The following VWA5B1 variants were observed in gnomAD, a reference collection of about 807,000 sequenced individuals.
VWA5B1 encodes von Willebrand factor A domain-containing protein 5B1.
Under a neutral mutation model 118.2 loss-of-function variants are expected in VWA5B1, and 115 were observed. The ratio of observed to expected loss-of-function variants is 0.97; its 90% confidence interval spans 0.84 to 1.14. The LOEUF (loss-of-function observed/expected upper bound fraction) is 1.14. Among genes scored for constraint, VWA5B1 ranks in the 50% most tolerant of loss-of-function variants. VWA5B1 has a pLI of 0.00. For synonymous variants in VWA5B1, 682 were observed against 658.4 expected, an observed-to-expected ratio of 1.04 and a Z score of -0.55; for missense variants, 1,596 against 1,603.8, an observed-to-expected ratio of 1.00 and a Z score of 0.08.
rs536381346 is a variant in VWA5B1, at chr1:20,293,789, G to T, written c.-27+2701G>T. On this transcript the variant is annotated intron_variant, in intron 1 of 21. Transcript: ENST00000289815. The stretch of plus-strand genomic sequence containing the variant: ...GTTCCTGGATTCCTTAGGGAGAGGG[G>T]ATTGGGATCAGCGGTATTCTGTGTG... 2.0e-5 allele frequency among the ~76,000 whole-genome samples: 3 copies of T among 152,284 alleles called. No homozygotes were observed. The South Asian group carries it at 6.2e-4, about 32-fold the overall frequency.
At chr1:20,330,840 T>C (rs1331626806) in intron 10 of VWA5B1, 29 bp from the exon 11 acceptor site, 9 of 1,540,798 alleles carry the variant, frequency 5.8e-6, no homozygotes, top group Non-Finnish European at 7.9e-6. Flanking sequence ...GGATAAGACA[T>C]AGCAGCCTCT....
rs41264543 is a variant in VWA5B1, at chr1:20,350,923, C to T, written c.3020C>T (p.Ser1007Phe). The T allele has an allele frequency of 1.3e-3, 2,038 of 1,551,858 alleles. 4 individuals carry two copies. The highest frequency in any genetic ancestry group is 1.3e-3 in the Non-Finnish European group (1,515 of 1,146,988). ...SMKASENLFG[S>F]WLNLNKSRLL... ...AAGGCCTCAGAGAATCTCTTTGGAT[C>T]CTGGTAGGTGGGATTTCCAATAAAG... The change falls in exon 20 of 22, where the codon TCC becomes TTC. Residue 1007 changes from serine (S) to phenylalanine (F), a missense_variant. Physicochemically the swap from Ser to Phe is radical, Grantham distance 155. Coordinates refer to ENST00000289815, the MANE Select transcript of VWA5B1 (RefSeq NM_001039500.3).
At chr1:20,296,771 A>G (rs1397462814) in intron 1 of VWA5B1, among the ~76,000 whole-genome samples, 4 of 152,182 alleles carry the variant, frequency 2.6e-5, no homozygotes, top group Admixed American at 6.5e-5. Flanking sequence ...TCTTTTCTTC[A>G]TTCACCCTTT....
chr1:20,309,027 C>T (rs1028272741), intron 1 of VWA5B1, among the ~76,000 whole-genome samples: 17 of 152,166 alleles, frequency 1.1e-4, no homozygotes, highest in African/African-American at 4.1e-4. Context: ...TTCCCATTCC[C>T]ACCCCACTTC....
At chr1:20,324,012 T>G (rs1460098806) in intron 8 of VWA5B1, among the ~76,000 whole-genome samples, 2 of 152,240 alleles carry the variant, frequency 1.3e-5, no homozygotes, top group Non-Finnish European at 2.9e-5. Flanking sequence ...ACATGGCCAC[T>G]GTGGTCTAAA....
chr1:20,339,551 AC>A (rs1232589190), intron 14 of VWA5B1, among the ~76,000 whole-genome samples: 1 of 151,594 alleles, frequency 6.6e-6, no homozygotes, highest in Non-Finnish European at 1.5e-5. Flanking sequence ...CTCAAACAAA[AC>A]ATCAAACAAA....
At chr1:20,342,164 T>C (rs74056518) in intron 14 of VWA5B1, among the ~76,000 whole-genome samples, 3,105 of 149,914 alleles carry the variant, frequency 0.021, 101 homozygotes, top group African/African-American at 0.072. Flanking sequence ...GAATTATCCA[T>C]GGTGTATGAT....
At chr1:20,319,320 C>G (rs1022849979) in intron 6 of VWA5B1, 62 bp from the exon 7 acceptor site, 52 of 1,536,756 alleles carry the variant, frequency 3.4e-5, no homozygotes, top group Non-Finnish European at 4.3e-5. Context: ...TAAACCAAAG[C>G]CCCCAGCATC....
rs1212075205 is a variant in VWA5B1 at position 20,345,341 on chromosome 1, T to C, written c.2627-115T>C. ...GCAAGCCCTTGATTTTAAAGGCTTC[T>C]TTAATCCCAAAGATGGGGACCACTT... On this transcript the variant is annotated intron_variant, in intron 16 of 21. Transcript: ENST00000289815. 3.5e-6 allele frequency: 5 copies of C among 1,415,292 alleles called. No homozygotes were observed. The African/African-American group carries it at 5.8e-5, about 16-fold the overall frequency. The allele number at this position is 1,415,292 out of a possible 1,614,324, so 87.7% of individuals were successfully genotyped here.
chr1:20,292,503 G>C (rs1247414793), intron 1 of VWA5B1, among the ~76,000 whole-genome samples: 6 of 152,234 alleles, frequency 3.9e-5, no homozygotes, highest in Non-Finnish European at 8.8e-5. Flanking sequence ...GGAGGGTAGG[G>C]ACGTGTATCG....
chr1:20,310,098 T>G (rs1052384005), intron 1 of VWA5B1, among the ~76,000 whole-genome samples: 1 of 152,010 alleles, frequency 6.6e-6, no homozygotes, highest in African/African-American at 2.4e-5. Context: ...TTCACTGCAG[T>G]GGGCAGCCTC....
At chr1:20,312,031 C>G (rs556689350) in intron 2 of VWA5B1, among the ~76,000 whole-genome samples, 2 of 152,150 alleles carry the variant, frequency 1.3e-5, no homozygotes, top group African/African-American at 2.4e-5. Flanking sequence ...CCAGAGGGAG[C>G]GGAGGTCGGG....
Position 20,332,953 on chromosome 1 carries a change from T to TGCA in VWA5B1, c.1758+2_1758+3insGCA. 6.4e-7 allele frequency: 1 copy of TGCA among 1,551,664 alleles called. No individual in the cohort carries two copies. Among genetic ancestry groups the TGCA allele is most frequent in the South Asian group, 1.2e-5 (1 of 84,036 alleles). ...TTGCACATCTCCAATCCCAGATCTGTAAGTATCCTAGAAATTCCACGGGTC... is the reference window on the plus strand; with the variant it reads ...TTGCACATCTCCAATCCCAGATCTGTGCAAAGTATCCTAGAAATTCCACGGGTC... On this transcript the variant is annotated splice_region_variant and intron_variant, in intron 12 of 21. Transcript: ENST00000289815.
rs375883216 is a variant in VWA5B1 at position 20,342,481 on chromosome 1, G to T, written c.2183G>T (p.Gly728Val). ...CTGAACCAGGGCCCCAAACTCCGTG[G>T]CCCAGGGGCCCGAAGGCCCTCTCTG... ...QDLNQGPKLR[G>V]PGARRPSLLP... is the part of the protein sequence containing the mutation. The change falls in exon 15 of 22, where the codon GGC (glycine) becomes GTC (valine). Residue 728 changes from glycine (G) to valine (V), a missense_variant. By Grantham distance (109) the Gly-to-Val change is moderately radical. Transcript: ENST00000289815. 6.5e-5 allele frequency: 101 copies of T among 1,551,132 alleles called. No homozygotes were observed. In the African/African-American group the frequency reaches 1.3e-3, roughly 20 times the overall value.
chr1:20,302,501 G>T (rs907039193), intron 1 of VWA5B1, among the ~76,000 whole-genome samples: 1 of 152,222 alleles, frequency 6.6e-6, no homozygotes, highest in Non-Finnish European at 1.5e-5. Context: ...CCTGCCTCAA[G>T]TTCTGGGGGC....
intron 4 of VWA5B1, among the ~76,000 whole-genome samples, chr1:20,316,825 G>T (rs546747422): frequency 6.6e-6 from 1 of 152,162 alleles, no homozygotes; most frequent in African/African-American, 2.4e-5. Context: ...AGGACGTGGC[G>T]TGACGCAGTA....
intron 8 of VWA5B1, among the ~76,000 whole-genome samples, chr1:20,323,802 C>G (rs1298536025): frequency 6.6e-6 from 1 of 152,212 alleles, no homozygotes; most frequent in African/African-American, 2.4e-5. Flanking sequence ...CCAGTAGGTA[C>G]TGAGTGGAGC....
chr1:20,331,032 G>A (rs941396859), intron 11 of VWA5B1, 49 bp downstream of exon 11: 3 of 1,454,084 alleles, frequency 2.1e-6, no homozygotes, highest in South Asian at 1.4e-5. Context: ...AACCTCAGAG[G>A]CTCAGACCAG....
At chr1:20,298,740 G>A (rs865943765) in intron 1 of VWA5B1, among the ~76,000 whole-genome samples, 150 of 152,234 alleles carry the variant, frequency 9.9e-4, no homozygotes, top group African/African-American at 3.4e-3. Context: ...CTGATGCCCA[G>A]GCTGGCTGAC....
Sources: gnomAD v4.1 joint callset for allele counts (sites outside exome capture counted in the v4.1 genomes callset) on GRCh38, gnomAD v4.1.1 for gene constraint, MANE v1.5 for transcripts, NCBI Gene and HGNC (gene_info 2026-07-23, HGNC 2026-07-21) for gene names.